Variants in DLG2 observed in about 807,000 individuals in gnomAD.
DLG2 encodes discs large MAGUK scaffold protein 2, also known as disks large homolog 2.
Under a neutral mutation model 132.5 loss-of-function variants are expected in DLG2, and 45 were observed. The ratio of observed to expected loss-of-function variants is 0.34; its 90% CI spans 0.27 to 0.44. The LOEUF is 0.44. DLG2 is among the 20% of genes least tolerant of loss of function. DLG2 has a pLI of 1.00. For missense variants in DLG2, 1,045 were observed against 1,196.9 expected, an observed-to-expected ratio of 0.87 and a Z score of 1.87; for synonymous variants, 424 against 419.6, an observed-to-expected ratio of 1.01 and a Z score of -0.13.
At chr11:84,490,169 G>A (rs1235278930) in intron 7 of DLG2, among the ~76,000 whole-genome samples, 1 of 152,084 alleles carries the variant, frequency 6.6e-6, no homozygotes, top group African/African-American at 2.4e-5. Flanking sequence ...TTAGCCCTCA[G>A]CTTTCTCATC....
At chr11:83,882,046 C>A (rs2066419008) in intron 15 of DLG2, among the ~76,000 whole-genome samples, 1 of 151,908 alleles carries the variant, frequency 6.6e-6, no homozygotes, top group Admixed American at 6.6e-5. Flanking sequence ...TAAAGAAATC[C>A]AGCATGGAAA....
In DLG2 at chr11:85,505,396, T is replaced by A. The variant is rs60882356; in HGVS notation, c.40+93261A>T. On this transcript the variant is annotated intron_variant, in intron 3 of 27. Coordinates refer to ENST00000376104, the MANE Select transcript of DLG2 (RefSeq NM_001142699.3). ...TCTTATTATTTTGAGATATGTCCCA[T>A]CAATATCTAGTTTATTGAGAGTTCT... Among the ~76,000 whole-genome samples the A allele has an allele frequency of 9.1e-3, 1,392 of 152,336 alleles. 19 individuals are homozygous for A. The highest frequency in any genetic ancestry group is 0.03 in the African/African-American group (1,244 of 41,586).
chr11:84,861,579 A>G (rs1382105627), intron 6 of DLG2, among the ~76,000 whole-genome samples: 1 of 148,676 alleles, frequency 6.7e-6, no homozygotes, highest in African/African-American at 2.5e-5. Flanking sequence ...GCCAAAATTG[A>G]CAAATAGGAT....
intron 3 of DLG2, among the ~76,000 whole-genome samples, chr11:85,391,371 T>C (rs886538882): frequency 1.3e-4 from 19 of 151,968 alleles, no homozygotes; most frequent in Admixed American, 5.9e-4. Context: ...ATTCAAGGAA[T>C]TGGTACCAAT....
intron 6 of DLG2, among the ~76,000 whole-genome samples, chr11:85,022,286 G>C (rs1592822002): frequency 1.4e-5 from 2 of 147,084 alleles, no homozygotes; most frequent in South Asian, 2.3e-4. Flanking sequence ...AAATTACTTA[G>C]AGCACAAAAA....
At chr11:85,503,446 T>C (rs933792847) in intron 3 of DLG2, among the ~76,000 whole-genome samples, 1 of 152,122 alleles carries the variant, frequency 6.6e-6, no homozygotes, top group Non-Finnish European at 1.5e-5. Flanking sequence ...ATTCACAAAG[T>C]ATCCAGGATG....
At chr11:85,333,436 C>A (rs901830857) in intron 3 of DLG2, among the ~76,000 whole-genome samples, 8 of 152,056 alleles carry the variant, frequency 5.3e-5, no homozygotes, top group Non-Finnish European at 1.2e-4. Flanking sequence ...ATTTTTCTTG[C>A]CTGGTTGCTC....
intron 11 of DLG2, among the ~76,000 whole-genome samples, chr11:83,991,947 T>C (rs952789792): frequency 2.0e-5 from 3 of 152,108 alleles, no homozygotes; most frequent in Admixed American, 1.3e-4. Flanking sequence ...GGTGCCCTTA[T>C]AAGAAGAGGA....
At chr11:83,501,197 C>CTTTTCTTTTTTTTTTTTTTTTTT (rs2094437396) in intron 21 of DLG2, among the ~76,000 whole-genome samples, 1 of 129,590 alleles carries the variant, frequency 7.7e-6, no homozygotes, top group Non-Finnish European at 1.7e-5. Flanking sequence ...TTCTGTTTTT[C>CTTTTCTTTTTTTTTTTTTTTTTT]TTTTCTTTTT....
intron 18 of DLG2, among the ~76,000 whole-genome samples, chr11:83,684,095 T>G (rs2079294996): frequency 6.6e-6 from 1 of 152,102 alleles, no homozygotes; most frequent in South Asian, 2.1e-4. Context: ...CTTTTATATG[T>G]AACTATACAC....
intron 3 of DLG2, among the ~76,000 whole-genome samples, chr11:85,486,797 C>G (rs1565568423): frequency 1.3e-5 from 2 of 152,020 alleles, no homozygotes; most frequent in African/African-American, 4.8e-5. Flanking sequence ...CTGGCCCCCC[C>G]TGCTACTACC....
At position 84,631,423 on chromosome 11, in the gene DLG2, A is replaced by G. The variant is rs996751520; in HGVS notation, c.358-96692T>C. 6.6e-5 allele frequency among the ~76,000 whole-genome samples: 10 copies of G among 152,298 alleles called. No individual in the cohort carries two copies. In the South Asian group the frequency reaches 2.1e-3, roughly 32 times the overall value. ...AAAAATGAACTGTGCTATAGAGAAA[A>G]TGATTTAAGATTTAGACAAGAAAAT... On this transcript the variant is annotated intron_variant, in intron 6 of 27. Coordinates refer to ENST00000376104, the MANE Select transcript of DLG2 (RefSeq NM_001142699.3).
At chr11:83,678,386 A>G (rs1233551029) in intron 18 of DLG2, among the ~76,000 whole-genome samples, 1 of 152,202 alleles carries the variant, frequency 6.6e-6, no homozygotes, top group Non-Finnish European at 1.5e-5. Flanking sequence ...CAAGAACATA[A>G]GCAGAAGCTC....
intron 11 of DLG2, among the ~76,000 whole-genome samples, chr11:84,052,919 T>C (rs1008407105): frequency 2.6e-4 from 40 of 152,046 alleles, no homozygotes; most frequent in African/African-American, 9.4e-4. Context: ...ACAGGGTATA[T>C]ACCCAAAGAA....
chr11:85,455,597 A>C (rs1399877401), intron 3 of DLG2, among the ~76,000 whole-genome samples: 1 of 152,146 alleles, frequency 6.6e-6, no homozygotes, highest in East Asian at 1.9e-4. Flanking sequence ...TACTGGTCTC[A>C]TTCTGGTTAT....
At chr11:84,899,579 G>A (rs1306167494) in intron 6 of DLG2, among the ~76,000 whole-genome samples, 1 of 151,940 alleles carries the variant, frequency 6.6e-6, no homozygotes, top group East Asian at 1.9e-4. Context: ...CTTAAGGACA[G>A]TTTGGAAGCA....
At chr11:84,031,321 C>A (rs2095685206) in intron 11 of DLG2, among the ~76,000 whole-genome samples, 1 of 150,948 alleles carries the variant, frequency 6.6e-6, no homozygotes, top group Non-Finnish European at 1.5e-5. Context: ...ATTTTTTGGC[C>A]TGAAGCAGGA....
At chr11:83,506,395 A>C (rs769963447) in intron 21 of DLG2, among the ~76,000 whole-genome samples, 1 of 152,112 alleles carries the variant, frequency 6.6e-6, no homozygotes, top group Non-Finnish European at 1.5e-5. Context: ...CCTGTTCTCC[A>C]GATTTATGTT....
intron 3 of DLG2, among the ~76,000 whole-genome samples, chr11:85,542,882 T>C (rs2076063432): frequency 6.6e-6 from 1 of 152,228 alleles, no homozygotes; most frequent in Non-Finnish European, 1.5e-5. Flanking sequence ...TATGTAGTCA[T>C]ATGTGTTTAT....
Sources: gnomAD v4.1 joint callset for allele counts (sites outside exome capture counted in the v4.1 genomes callset) on GRCh38, gnomAD v4.1.1 for gene constraint, MANE v1.5 for transcripts, NCBI Gene and HGNC (gene_info 2026-07-23, HGNC 2026-07-21) for gene names.